The following ABCC4 variants were observed in gnomAD, a reference collection of about 807,000 sequenced individuals.
The protein encoded by ABCC4 is ATP binding cassette subfamily C member 4 (PEL blood group), also known as ATP-binding cassette sub-family C member 4.
A neutral mutation model predicts 168.5 loss-of-function variants in ABCC4; 102 were observed. The ratio of observed to expected loss-of-function variants is 0.61; its 90% CI spans 0.52 to 0.71. ABCC4 has a LOEUF of 0.71. Ranked by LOEUF, ABCC4 falls within the 30% of genes least tolerant of loss-of-function variation. ABCC4 has a pLI of 0.00. For synonymous variants in ABCC4, 617 were observed against 590.7 expected, an observed-to-expected ratio of 1.04 and a Z score of -0.65; for missense variants, 1,402 against 1,605.8, an observed-to-expected ratio of 0.87 and a Z score of 2.17.
At chr13:95,291,355 C>CAA (rs773811081) in intron 1 of ABCC4, among the ~76,000 whole-genome samples, 6 of 134,740 alleles carry the variant, frequency 4.5e-5, no homozygotes, top group Non-Finnish European at 8.0e-5. Flanking sequence ...GATCCTGTCT[C>CAA]AAAAAAAAAA....
intron 29 of ABCC4, among the ~76,000 whole-genome samples, chr13:95,037,249 A>C (rs1255486670): frequency 6.6e-6 from 1 of 152,206 alleles, no homozygotes; most frequent in African/African-American, 2.4e-5. Context: ...ATAAAAATCA[A>C]TGAAAGCACC....
chr13:95,263,782 C>T (rs2040596223), intron 1 of ABCC4, among the ~76,000 whole-genome samples: 1 of 151,106 alleles, frequency 6.6e-6, no homozygotes, highest in African/African-American at 2.4e-5. Context: ...GAGATCGTGC[C>T]ACTGTACTTC....
intron 19 of ABCC4, among the ~76,000 whole-genome samples, chr13:95,120,472 C>T: frequency 6.8e-6 from 1 of 146,430 alleles, no homozygotes. Flanking sequence ...GAAGCTGAGG[C>T]AGAGAATTGC....
At chr13:95,149,225 A>C (rs544350171) in intron 19 of ABCC4, among the ~76,000 whole-genome samples, 1 of 152,332 alleles carries the variant, frequency 6.6e-6, no homozygotes, top group South Asian at 2.1e-4. Context: ...CTGATCACTC[A>C]TGATCCTGAA....
intron 4 of ABCC4, among the ~76,000 whole-genome samples, chr13:95,230,915 G>A (rs1482753699): frequency 6.6e-6 from 1 of 152,234 alleles, no homozygotes; most frequent in Non-Finnish European, 1.5e-5. Context: ...TAAACAAAAT[G>A]AGGCATATCC....
chr13:95,156,439 C>G (rs1263624046), intron 19 of ABCC4, among the ~76,000 whole-genome samples: 16 of 152,100 alleles, frequency 1.1e-4, no homozygotes, highest in Admixed American at 1.0e-3. Flanking sequence ...TTAATTCTGC[C>G]CATGCCAGGA....
chr13:95,163,797 C>A (rs1389736105), intron 16 of ABCC4, 150 bp from the exon 17 acceptor site: 1 of 655,086 alleles, frequency 1.5e-6, no homozygotes, highest in African/African-American at 1.8e-5. Context: ...CTTTGGGAGG[C>A]TGAGGCAGGC....
chr13:95,216,608 CAA>C (rs199711816), intron 4 of ABCC4, among the ~76,000 whole-genome samples: 7 of 125,566 alleles, frequency 5.6e-5, no homozygotes, highest in South Asian at 2.6e-4. Context: ...AGGAAATTCA[CAA>C]AAAAAAAAAA....
intron 17 of ABCC4, 143 bp downstream of exon 17, chr13:95,163,467 G>T: frequency 1.3e-6 from 1 of 798,360 alleles, no homozygotes; most frequent in Non-Finnish European, 2.0e-6. Flanking sequence ...CACTCCACCA[G>T]CAAGCACTCT....
chr13:95,144,715 C>T (rs2036431717), intron 19 of ABCC4, among the ~76,000 whole-genome samples: 1 of 151,626 alleles, frequency 6.6e-6, no homozygotes, highest in African/African-American at 2.4e-5. Context: ...AATTAGAAAA[C>T]ATGGCTGAAA....
chr13:95,161,969 C>A (rs1051178364), intron 18 of ABCC4, among the ~76,000 whole-genome samples: 1 of 152,112 alleles, frequency 6.6e-6, no homozygotes, highest in Non-Finnish European at 1.5e-5. Context: ...ATAAATCATA[C>A]ATTTTATTAA....
intron 1 of ABCC4, among the ~76,000 whole-genome samples, chr13:95,263,269 G>C (rs1332968516): frequency 2.6e-5 from 4 of 152,132 alleles, no homozygotes; most frequent in Non-Finnish European, 4.4e-5. Flanking sequence ...TTAAATGGCT[G>C]ACAAAAATGT....
At chr13:95,207,609 T>C (rs924877363) in intron 7 of ABCC4, among the ~76,000 whole-genome samples, 191 bp downstream of exon 7, 5 of 152,216 alleles carry the variant, frequency 3.3e-5, no homozygotes, top group Non-Finnish European at 5.9e-5. Flanking sequence ...TTTAAGAACA[T>C]GGTAAATGGA....
chr13:95,117,935 A>G (rs2035436449), intron 19 of ABCC4, among the ~76,000 whole-genome samples: 1 of 152,226 alleles, frequency 6.6e-6, no homozygotes, highest in African/African-American at 2.4e-5. Flanking sequence ...AAGAAGAAAA[A>G]AAGATAAAAA....
intron 19 of ABCC4, among the ~76,000 whole-genome samples, chr13:95,135,185 G>C (rs1000791551): frequency 1.3e-5 from 2 of 152,106 alleles, no homozygotes; most frequent in Non-Finnish European, 2.9e-5. Flanking sequence ...TTAGCTATCT[G>C]CAAGAGACAC....
At chr13:95,102,811 G>C (rs1167893174) in intron 20 of ABCC4, among the ~76,000 whole-genome samples, 1 of 150,116 alleles carries the variant, frequency 6.7e-6, no homozygotes, top group Non-Finnish European at 1.5e-5. Flanking sequence ...AGTAGAGATG[G>C]GGTTTCACCA....
intron 4 of ABCC4, 133 bp from the exon 5 acceptor site, chr13:95,210,914 C>A (rs187423462): frequency 8.4e-6 from 5 of 598,464 alleles, no homozygotes; most frequent in South Asian, 6.6e-5. Flanking sequence ...CACCCCCCCA[C>A]TGCCCCCTCT....
chr13:95,253,619 C>T (rs1375218279), intron 1 of ABCC4, among the ~76,000 whole-genome samples: 1 of 151,990 alleles, frequency 6.6e-6, no homozygotes, highest in Non-Finnish European at 1.5e-5. Flanking sequence ...GTGGAGGACA[C>T]CCGTAATCCC....
chr13:95,109,367 T>C (rs2035123179), intron 20 of ABCC4, among the ~76,000 whole-genome samples: 1 of 146,374 alleles, frequency 6.8e-6, no homozygotes, highest in Non-Finnish European at 1.5e-5. Flanking sequence ...AAGGGTACAT[T>C]TGAGGGTGAG....
Sources: allele counts gnomAD v4.1 joint callset (sites outside exome capture counted in the v4.1 genomes callset), GRCh38; gene constraint gnomAD v4.1.1; transcripts MANE v1.5; gene names NCBI Gene and HGNC (gene_info 2026-07-23, HGNC 2026-07-21).